The following TRPM6 variants were observed in gnomAD, a reference collection of about 807,000 sequenced individuals.
TRPM6 encodes channel kinase 2.
Under a neutral mutation model 247.6 loss-of-function variants are expected in TRPM6, and 111 were observed. That is an observed-to-expected ratio of 0.45 (90% confidence interval 0.38 to 0.52). TRPM6 has a LOEUF of 0.52. Ranked by LOEUF, TRPM6 falls within the 20% of genes least tolerant of loss-of-function variation. TRPM6 has a pLI of 0.00. For missense variants in TRPM6, 2,126 were observed against 2,421.5 expected, an observed-to-expected ratio of 0.88 and a Z score of 2.56; for synonymous variants, 892 against 853.8, an observed-to-expected ratio of 1.04 and a Z score of -0.78.
At chr9:74,761,637 AAGAT>A (rs1261226119) in intron 27 of TRPM6, 55 bp downstream of exon 27, 1 of 1,010,262 alleles carries the variant, frequency 9.9e-7, no homozygotes, top group Non-Finnish European at 1.6e-6. Context: ...AAATCAAACT[AAGAT>A]AGGCCACTAC....
At chr9:74,777,473 T>C (rs1303158221) in intron 23 of TRPM6, among the ~76,000 whole-genome samples, 1 of 152,230 alleles carries the variant, frequency 6.6e-6, no homozygotes, top group Non-Finnish European at 1.5e-5. Flanking sequence ...ACATTTGTTG[T>C]TGTTGTTGGC....
At chr9:74,731,107 C>T (rs1587447448) in intron 37 of TRPM6, among the ~76,000 whole-genome samples, 1 of 152,056 alleles carries the variant, frequency 6.6e-6, no homozygotes, top group East Asian at 1.9e-4. Context: ...AATTGAGGCC[C>T]ACTGGCCTAC....
rs142167111 is a variant in TRPM6 at position 74,762,410 on chromosome 9, C to T, written c.4261G>A (p.Glu1421Lys). 7.4e-6 allele frequency: 12 copies of T among 1,614,092 alleles called. No individual in the cohort carries two copies. The African/African-American group carries it at 1.6e-4, about 22-fold the overall frequency. The change falls in exon 26 of 39, where the codon GAG becomes AAG. Residue 1421 changes from glutamate (E) to lysine (K), a missense_variant. Physicochemically the swap from Glu to Lys is moderately conservative, Grantham distance 56. Coordinates refer to ENST00000360774, the MANE Select transcript of TRPM6 (RefSeq NM_017662.5). ...AHLLDGQDKA[E>K]QVLPTLSCTP... ...CAACTCAAAGTGGGTAGCACTTGCT[C>T]TGCCTTGTCTTGTCCATCCAGTAAG...
chr9:74,841,989 T>C (rs776446722), intron 4 of TRPM6, among the ~76,000 whole-genome samples, 177 bp downstream of exon 4: 3 of 151,778 alleles, frequency 2.0e-5, no homozygotes, highest in Non-Finnish European at 2.9e-5. Flanking sequence ...CCCATGCCTG[T>C]AGTCCCAGCT....
At chr9:74,726,080 T>A (rs1248490999) in intron 38 of TRPM6, among the ~76,000 whole-genome samples, 1 of 152,246 alleles carries the variant, frequency 6.6e-6, no homozygotes, top group Non-Finnish European at 1.5e-5. Context: ...AATCCTATTT[T>A]CCAGACAAAA....
intron 1 of TRPM6, among the ~76,000 whole-genome samples, chr9:74,882,586 T>C (rs1438171727): frequency 2.0e-5 from 3 of 152,078 alleles, no homozygotes; most frequent in Non-Finnish European, 4.4e-5. Context: ...GTTAAAATGG[T>C]TATCATAAAG....
intron 1 of TRPM6, among the ~76,000 whole-genome samples, chr9:74,884,587 T>G (rs1035523140): frequency 6.6e-6 from 1 of 151,714 alleles, no homozygotes; most frequent in African/African-American, 2.4e-5. Flanking sequence ...AAATCAACAG[T>G]TTGATTACCT....
At chr9:74,819,616 C>G (rs1829073487) in intron 9 of TRPM6, among the ~76,000 whole-genome samples, 1 of 152,208 alleles carries the variant, frequency 6.6e-6, no homozygotes, top group Admixed American at 6.5e-5. Flanking sequence ...TTTGTGGGCT[C>G]CATTTTTTAT....
In TRPM6 at chr9:74,800,373, A is replaced by G. The variant is rs766691310; in HGVS notation, c.2119T>C (p.Cys707Arg). 2 of 1,614,120 alleles carry G rather than the reference A, an allele frequency of 1.2e-6. No homozygotes were observed. Among genetic ancestry groups the G allele is most frequent in the Non-Finnish European group, 1.7e-6 (2 of 1,180,020 alleles). ...YELRNWSNST[C>R]LKLAVSGGLR... ...CCTCCCGACACGGCCAGTTTAAGGC[A>G]GGTCGAATTGCTCCAGTTCCTGAGT... Residue 707 changes from cysteine to arginine, a missense_variant, in exon 17 of 39, where the codon TGC (cysteine) becomes CGC (arginine). Transcript: ENST00000360774.
chr9:74,845,640 G>A (rs1325061171), intron 3 of TRPM6, among the ~76,000 whole-genome samples: 1 of 152,054 alleles, frequency 6.6e-6, no homozygotes, highest in Non-Finnish European at 1.5e-5. Context: ...TGACCAGCCT[G>A]GGCAACATAG....
At chr9:74,840,001 G>A in intron 5 of TRPM6, 23 bp downstream of exon 5, 1 of 1,567,046 alleles carries the variant, frequency 6.4e-7, no homozygotes, top group South Asian at 1.1e-5. Flanking sequence ...GAGGGTGGGA[G>A]AAATGGAGGG....
chr9:74,886,646 T>C (rs528045253), intron 1 of TRPM6, among the ~76,000 whole-genome samples: 91 of 152,192 alleles, frequency 6.0e-4, no homozygotes, highest in Non-Finnish European at 1.2e-3. Flanking sequence ...ACAGGATACT[T>C]GGACTTTATA....
intron 3 of TRPM6, among the ~76,000 whole-genome samples, chr9:74,847,898 C>T (rs1158724217): frequency 6.6e-6 from 1 of 152,148 alleles, no homozygotes; most frequent in East Asian, 1.9e-4. Flanking sequence ...ACCTTCAGGG[C>T]ATATGTTCCA....
At chr9:74,820,492 A>T (rs1829099753) in intron 8 of TRPM6, 65 bp from the exon 9 acceptor site, 1 of 1,598,088 alleles carries the variant, frequency 6.3e-7, no homozygotes. Flanking sequence ...ACATCAGTAC[A>T]AGAAAACACC....
intron 11 of TRPM6, among the ~76,000 whole-genome samples, chr9:74,814,582 A>G (rs1828858825): frequency 6.6e-6 from 1 of 152,200 alleles, no homozygotes; most frequent in Non-Finnish European, 1.5e-5. Context: ...ACCCACTGTG[A>G]GCACACAAAA....
chr9:74,753,681 G>A (rs1826340838), intron 28 of TRPM6, among the ~76,000 whole-genome samples: 1 of 152,174 alleles, frequency 6.6e-6, no homozygotes. Flanking sequence ...GGGTGATGGA[G>A]CCAGACCCTG....
chr9:74,868,113 C>T (rs1235101024), intron 1 of TRPM6, among the ~76,000 whole-genome samples: 1 of 150,432 alleles, frequency 6.6e-6, no homozygotes, highest in East Asian at 2.0e-4. Flanking sequence ...GAGATTGCAC[C>T]CCTGTACTCC....
At chr9:74,871,571 C>T (rs1423568318) in intron 1 of TRPM6, among the ~76,000 whole-genome samples, 2 of 152,152 alleles carry the variant, frequency 1.3e-5, no homozygotes, top group African/African-American at 4.8e-5. Flanking sequence ...TTTCATCTTA[C>T]ACAACATACA....
At chr9:74,884,025 T>C (rs989595514) in intron 1 of TRPM6, among the ~76,000 whole-genome samples, 3 of 152,154 alleles carry the variant, frequency 2.0e-5, no homozygotes, top group Admixed American at 6.5e-5. Context: ...GGCACATGCC[T>C]GTAATCCCAG....
Sources: gnomAD v4.1 joint callset for allele counts (sites outside exome capture counted in the v4.1 genomes callset) on GRCh38, gnomAD v4.1.1 for gene constraint, MANE v1.5 for transcripts, NCBI Gene and HGNC (gene_info 2026-07-23, HGNC 2026-07-21) for gene names.